The following CRB1 variants were observed in gnomAD, a reference collection of about 807,000 sequenced individuals.
CRB1 encodes crumbs cell polarity complex component 1.
Under a neutral mutation model 120.0 loss-of-function variants are expected in CRB1, and 83 were observed. The observed-to-expected ratio is 0.69, with a 90% confidence interval of 0.58 to 0.83. The LOEUF (loss-of-function observed/expected upper bound fraction) is 0.83. Among genes scored for constraint, CRB1 ranks in the 40% least tolerant of loss-of-function variants. The pLI is 0.00. For missense variants in CRB1, 1,699 were observed against 1,687.6 expected, an observed-to-expected ratio of 1.01 and a Z score of -0.12; for synonymous variants, 625 against 612.5, an observed-to-expected ratio of 1.02 and a Z score of -0.30.
chr1:197,208,624 A>G, the CRB1 span, among the ~76,000 whole-genome samples: 1 of 152,078 alleles, frequency 6.6e-6, no homozygotes, highest in Admixed American at 6.6e-5. Flanking sequence ...CAGGGGAGTG[A>G]AGTGGACTCT....
the CRB1 span, among the ~76,000 whole-genome samples, chr1:197,218,488 A>T: frequency 2.0e-5 from 3 of 152,220 alleles, no homozygotes; most frequent in Non-Finnish European, 2.9e-5. Flanking sequence ...GGACCAAATA[A>T]AACAAGATTT....
chr1:197,353,177 C>A (rs1312403334), intron 4 of CRB1, among the ~76,000 whole-genome samples: 1 of 152,002 alleles, frequency 6.6e-6, no homozygotes, highest in Non-Finnish European at 1.5e-5. Context: ...TTTATATCTG[C>A]CCATGATGGA....
intron 1 of CRB1, among the ~76,000 whole-genome samples, chr1:197,303,529 T>C (rs1271311147): frequency 6.6e-6 from 1 of 152,062 alleles, no homozygotes; most frequent in Non-Finnish European, 1.5e-5. Flanking sequence ...TTTGACATTG[T>C]TTAATATTAT....
At chr1:197,273,899 A>G (rs1655044464) in intron 1 of CRB1, among the ~76,000 whole-genome samples, 1 of 152,064 alleles carries the variant, frequency 6.6e-6, no homozygotes, top group Admixed American at 6.6e-5. Context: ...CTTTTATTAG[A>G]GAATGGTAAC....
At chr1:197,209,548 A>G in the CRB1 span, among the ~76,000 whole-genome samples, 1 of 151,876 alleles carries the variant, frequency 6.6e-6, no homozygotes, top group Admixed American at 6.6e-5. Flanking sequence ...GGGTTTCCCC[A>G]TGTTGGCCAG....
intron 1 of CRB1, among the ~76,000 whole-genome samples, chr1:197,298,488 A>G (rs1475622874): frequency 6.6e-6 from 1 of 152,138 alleles, no homozygotes; most frequent in Non-Finnish European, 1.5e-5. Context: ...TTTTCTCCAC[A>G]AATTTTGGAG....
intron 5 of CRB1, among the ~76,000 whole-genome samples, chr1:197,361,800 C>G (rs530494880): frequency 6.6e-6 from 1 of 151,330 alleles, no homozygotes; most frequent in Non-Finnish European, 1.5e-5. Flanking sequence ...CATTTATTTT[C>G]TCTGTTTTCC....
At chr1:197,308,424 GTTAAA>G (rs1657305059) in intron 1 of CRB1, among the ~76,000 whole-genome samples, 1 of 152,004 alleles carries the variant, frequency 6.6e-6, no homozygotes, top group African/African-American at 2.4e-5. Flanking sequence ...TAAACTAAAA[GTTAAA>G]AAACAAAACC....
At chr1:197,470,291 A>G (rs547153892) in intron 11 of CRB1, among the ~76,000 whole-genome samples, 10 of 152,266 alleles carry the variant, frequency 6.6e-5, no homozygotes, top group African/African-American at 2.4e-4. Flanking sequence ...ATGGTACTGA[A>G]TGCTTGAGAG....
chr1:197,441,659 CTTTTTTTTTTTTTT>C (rs5779872), intron 10 of CRB1: 8 of 68,202 alleles, frequency 1.2e-4, no homozygotes, highest in Admixed American at 4.8e-4. Context: ...TTCCCTCCTT[CTTTTTTTTTTTTTT>C]TTTTTTTTTT....
At chr1:197,387,931 TC>T (rs1452092784) in intron 5 of CRB1, among the ~76,000 whole-genome samples, 1 of 151,884 alleles carries the variant, frequency 6.6e-6, no homozygotes, top group African/African-American at 2.4e-5. Flanking sequence ...CAACCTCCCC[TC>T]ACCAAACTGA....
the CRB1 span, among the ~76,000 whole-genome samples, chr1:197,257,898 T>G: frequency 6.6e-6 from 1 of 152,198 alleles, no homozygotes; most frequent in Non-Finnish European, 1.5e-5. Context: ...TTTTTGCTGC[T>G]GGAAGGGTCA....
intron 11 of CRB1, among the ~76,000 whole-genome samples, chr1:197,460,312 C>A (rs1179489019): frequency 6.6e-6 from 1 of 151,940 alleles, no homozygotes; most frequent in Non-Finnish European, 1.5e-5. Flanking sequence ...CTAAGTTGTG[C>A]AGATCAATAT....
In CRB1 at chr1:197,347,339, G is replaced by A. The variant is rs1481592460; in HGVS notation, c.849-1G>A. The A allele has an allele frequency of 6.2e-7, 1 of 1,613,412 alleles. No individual in the cohort carries two copies. Among genetic ancestry groups the A allele is most frequent in the East Asian group, 2.2e-5 (1 of 44,870 alleles). On this transcript the variant is annotated splice_acceptor_variant, in intron 3 of 11. Coordinates refer to ENST00000367400, the MANE Select transcript of CRB1 (RefSeq NM_201253.3). LOFTEE classifies it high-confidence loss of function. ...ACATGAAAATTTCATTTACTTTCCA[G>A]ATATAGCTGTAACTGCACGGGTAGT... is the stretch of plus-strand genomic sequence containing the variant.
intron 4 of CRB1, among the ~76,000 whole-genome samples, chr1:197,355,726 C>A (rs140292456): frequency 6.6e-6 from 1 of 152,318 alleles, no homozygotes; most frequent in Admixed American, 6.5e-5. Flanking sequence ...CCAGAACTCA[C>A]GCAGCCCCGC....
At position 197,429,598 on chromosome 1, in the gene CRB1, G is replaced by A. The variant is rs781176401; in HGVS notation, c.2826G>A (p.Val942=). The change falls in exon 8 of 12, where the codon GTG becomes GTA. Residue 942 remains valine (V), a synonymous_variant. Coordinates refer to ENST00000367400, the MANE Select transcript of CRB1 (RefSeq NM_201253.3). ...PCPHGAQCQP[V]LQGFECIANA... ...CTCACGGAGCCCAGTGCCAGCCGGTGCTTCAAGGATTTGAATGTAGGTAGA... is the reference window on the plus strand; with the variant it reads ...CTCACGGAGCCCAGTGCCAGCCGGTACTTCAAGGATTTGAATGTAGGTAGA... 6.2e-7 allele frequency: 1 copy of A among 1,613,962 alleles called. No homozygotes were observed. Among genetic ancestry groups the A allele is most frequent in the Non-Finnish European group, 8.5e-7 (1 of 1,179,928 alleles).
upstream of CRB1, among the ~76,000 whole-genome samples, chr1:197,267,804 C>A (rs1407214288): frequency 1.3e-5 from 2 of 152,094 alleles, no homozygotes; most frequent in African/African-American, 2.4e-5. Context: ...GGACTTACGA[C>A]AAAATCTGCC....
the CRB1 span, among the ~76,000 whole-genome samples, chr1:197,243,917 C>CT: frequency 6.6e-6 from 1 of 152,170 alleles, no homozygotes; most frequent in East Asian, 1.9e-4. Flanking sequence ...GATCTCTTCA[C>CT]TATTATGTAA....
intron 5 of CRB1, among the ~76,000 whole-genome samples, chr1:197,409,815 T>G (rs1663605897): frequency 6.6e-6 from 1 of 152,096 alleles, no homozygotes. Context: ...GACGGAGTCG[T>G]TCTGTCGCGC....
Sources: allele counts gnomAD v4.1 joint callset (sites outside exome capture counted in the v4.1 genomes callset), GRCh38; gene constraint gnomAD v4.1.1; transcripts MANE v1.5; gene names NCBI Gene and HGNC (gene_info 2026-07-23, HGNC 2026-07-21).